The following NHEJ1 variants were observed in gnomAD, a reference collection of about 807,000 sequenced individuals.
NHEJ1 encodes non-homologous end-joining factor 1.
A neutral mutation model predicts 39.4 loss-of-function variants in NHEJ1; 22 were observed. The observed-to-expected ratio is 0.56, with a 90% CI of 0.40 to 0.80. The LOEUF (loss-of-function observed/expected upper bound fraction) is 0.80. Among genes scored for constraint, NHEJ1 ranks in the 30% least tolerant of loss-of-function variants. The probability of loss-of-function intolerance (pLI) is 0.00; values close to 1 mark genes in which losing one functional copy is unlikely to be tolerated. For synonymous variants in NHEJ1, 154 were observed against 135.6 expected (o/e 1.14, Z -0.94); for missense variants, 329 against 357.1 (o/e 0.92, Z 0.63).
chr2:219,128,031 T>C (rs973897984), intron 5 of NHEJ1, among the ~76,000 whole-genome samples: 4 of 152,194 alleles, frequency 2.6e-5, no homozygotes, highest in African/African-American at 7.2e-5. Context: ...TCATCCCCAC[T>C]GAACAGGTTT....
chr2:219,107,724 C>T (rs1294991987), intron 5 of NHEJ1, among the ~76,000 whole-genome samples: 2 of 152,150 alleles, frequency 1.3e-5, no homozygotes, highest in Non-Finnish European at 2.9e-5. Context: ...ACCACATGCC[C>T]TGCTCTGGGG....
intron 5 of NHEJ1, among the ~76,000 whole-genome samples, chr2:219,127,608 A>G (rs1244050255): frequency 6.6e-6 from 1 of 152,224 alleles, no homozygotes; most frequent in Non-Finnish European, 1.5e-5. Context: ...CCTCAATCCA[A>G]GATCTCTCAA....
At chr2:219,141,956 A>G (rs1949695822) in intron 5 of NHEJ1, among the ~76,000 whole-genome samples, 1 of 152,180 alleles carries the variant, frequency 6.6e-6, no homozygotes, top group South Asian at 2.1e-4. Context: ...CCCAGGCGAT[A>G]TAAGCTCTAG....
Position 219,073,025 on chromosome 2 carries a change from A to AAAGG in NHEJ1, c.*3352_*3355dup. ...TTGGGAAAATGGGAGGTCTAAGTGA[A>AAAGG]AAGGAAGGAAAGAAAAGGGAGTCCA... On this transcript the variant is annotated 3_prime_UTR_variant, in exon 8 of 8. Coordinates refer to ENST00000356853, the MANE Select transcript of NHEJ1 (RefSeq NM_024782.3). 1.3e-5 allele frequency among the ~76,000 whole-genome samples: 2 copies of AAAGG among 152,258 alleles called. No individual in the cohort carries two copies.
chr2:219,140,683 G>A (rs1041387783), intron 5 of NHEJ1, among the ~76,000 whole-genome samples: 1 of 152,156 alleles, frequency 6.6e-6, no homozygotes, highest in East Asian at 1.9e-4. Flanking sequence ...CTGGGCATAC[G>A]ACTGGAAGTT....
chr2:219,085,834 C>T lies in NHEJ1; in HGVS notation c.589-7628G>A, dbSNP rs539636652. ...GTTACTGAATCACTTTCTTTGTGGC[C>T]TCCCTTCAAAATGAGATAATTTTGC... On this transcript the variant is annotated intron_variant, in intron 5 of 7. Transcript: ENST00000356853. 3.9e-5 allele frequency among the ~76,000 whole-genome samples: 6 copies of T among 152,108 alleles called. No individual in the cohort carries two copies. The South Asian group carries it at 6.2e-4, about 16-fold the overall frequency.
rs192657289 is a variant in NHEJ1 at position 219,113,990 on chromosome 2, T to C, written c.588+32690A>G. Among the ~76,000 whole-genome samples, 18 of 152,266 alleles carry C rather than the reference T, an allele frequency of 1.2e-4. No individual in the cohort carries two copies. In the East Asian group the frequency reaches 3.3e-3, roughly 28 times the overall value. On this transcript the variant is annotated intron_variant, in intron 5 of 7. Transcript: ENST00000356853. ...TCTCATCCAAACAAAACCAATGCCT[T>C]AGACAGGGAAGTTTCTAGGCTAGGA... is the stretch of plus-strand genomic sequence containing the variant.
At chr2:219,142,247 A>G (rs1949698867) in intron 5 of NHEJ1, among the ~76,000 whole-genome samples, 1 of 152,154 alleles carries the variant, frequency 6.6e-6, no homozygotes, top group Non-Finnish European at 1.5e-5. Flanking sequence ...AAGAGTAGAG[A>G]ATTGCAAAAT....
At chr2:219,127,310 C>T (rs1314588500) in intron 5 of NHEJ1, among the ~76,000 whole-genome samples, 7 of 152,118 alleles carry the variant, frequency 4.6e-5, no homozygotes, top group Admixed American at 4.6e-4. Context: ...TGGGACTCTC[C>T]AGTCCTTTAA....
At chr2:219,085,314 T>C (rs1949101726) in intron 5 of NHEJ1, among the ~76,000 whole-genome samples, 2 of 152,220 alleles carry the variant, frequency 1.3e-5, no homozygotes, top group Admixed American at 1.3e-4. Context: ...GAGCTACCTC[T>C]GAGTTTCAGG....
At chr2:219,149,386 T>C (rs1258340061) in intron 3 of NHEJ1, among the ~76,000 whole-genome samples, 3 of 151,896 alleles carry the variant, frequency 2.0e-5, no homozygotes, top group Admixed American at 6.6e-5. Context: ...GAGGCCAACG[T>C]TGGAGGATTG....
At chr2:219,110,640 AT>A (rs1330329260) in intron 5 of NHEJ1, among the ~76,000 whole-genome samples, 1 of 151,678 alleles carries the variant, frequency 6.6e-6, no homozygotes, top group African/African-American at 2.4e-5. Context: ...TGGGGCTGAA[AT>A]TTTAGATGGG....
chr2:219,150,542 G>A (rs533684698), intron 3 of NHEJ1, among the ~76,000 whole-genome samples: 4 of 152,282 alleles, frequency 2.6e-5, no homozygotes, highest in South Asian at 4.1e-4. Flanking sequence ...CCTGCTGGGC[G>A]GGCATGGTGG....
chr2:219,131,067 G>A (rs547188815), intron 5 of NHEJ1, among the ~76,000 whole-genome samples: 6 of 152,252 alleles, frequency 3.9e-5, no homozygotes, highest in African/African-American at 1.2e-4. Flanking sequence ...ACTCCAGCTT[G>A]GGCAACAGAG....
intron 5 of NHEJ1, among the ~76,000 whole-genome samples, chr2:219,117,761 AC>A (rs1949429858): frequency 6.6e-6 from 1 of 152,214 alleles, no homozygotes; most frequent in African/African-American, 2.4e-5. Context: ...TAGCTGTGCG[AC>A]TTTGGACAAC....
At chr2:219,094,098 G>A (rs926912053) in intron 5 of NHEJ1, among the ~76,000 whole-genome samples, 1 of 152,160 alleles carries the variant, frequency 6.6e-6, no homozygotes, top group Non-Finnish European at 1.5e-5. Flanking sequence ...TTGAGTTATC[G>A]GCCACCAGTT....
At chr2:219,092,168 G>A (rs1003309787) in intron 5 of NHEJ1, among the ~76,000 whole-genome samples, 2 of 152,052 alleles carry the variant, frequency 1.3e-5, no homozygotes, top group African/African-American at 4.8e-5. Context: ...AGTGGCACAT[G>A]CCTATGGTCC....
chr2:219,136,884 T>C (rs1949635606), intron 5 of NHEJ1, among the ~76,000 whole-genome samples: 1 of 152,194 alleles, frequency 6.6e-6, no homozygotes, highest in Non-Finnish European at 1.5e-5. Flanking sequence ...ATTACAGACC[T>C]GAGCCACCGC....
chr2:219,081,625 T>C (rs1481792087), intron 5 of NHEJ1, among the ~76,000 whole-genome samples: 1 of 152,234 alleles, frequency 6.6e-6, no homozygotes, highest in Admixed American at 6.5e-5. Context: ...AATACAAAGA[T>C]AGTAACTCAG....
Sources: allele counts gnomAD v4.1 joint callset (sites outside exome capture counted in the v4.1 genomes callset), GRCh38; gene constraint gnomAD v4.1.1; transcripts MANE v1.5; gene names NCBI Gene and HGNC (gene_info 2026-07-23, HGNC 2026-07-21).